The following TBXAS1 variants were observed in gnomAD, a reference collection of about 807,000 sequenced individuals.
TBXAS1 encodes the protein thromboxane-A synthase.
TBXAS1 carries 48 observed loss-of-function variants against 60.7 expected under a neutral mutation model. That is an observed-to-expected ratio of 0.79 (90% CI 0.63 to 1.01). TBXAS1 has a LOEUF of 1.01. Ranked by LOEUF, TBXAS1 falls within the 50% of genes least tolerant of loss-of-function variation. The probability of loss-of-function intolerance (pLI) is 0.00; values close to 1 mark genes in which losing one functional copy is unlikely to be tolerated. For synonymous variants in TBXAS1, 287 were observed against 269.7 expected, an observed-to-expected ratio of 1.06 and a Z score of -0.63; for missense variants, 685 against 686.3, an observed-to-expected ratio of 1.00 and a Z score of 0.02.
At chr7:139,911,810 G>A (rs1805548503) in intron 4 of TBXAS1, among the ~76,000 whole-genome samples, 1 of 152,116 alleles carries the variant, frequency 6.6e-6, no homozygotes, top group Admixed American at 6.5e-5. Flanking sequence ...ACTTTAAGAG[G>A]GCTCCTTTAC....
intron 1 of TBXAS1, among the ~76,000 whole-genome samples, chr7:139,859,593 A>T (rs191011812): frequency 6.6e-6 from 1 of 152,222 alleles, no homozygotes; most frequent in Non-Finnish European, 1.5e-5. Flanking sequence ...ATTCATTTCA[A>T]TTTATCTAAA....
chr7:139,861,527 T>G (rs1448147593), intron 1 of TBXAS1, among the ~76,000 whole-genome samples: 1 of 151,816 alleles, frequency 6.6e-6, no homozygotes, highest in Non-Finnish European at 1.5e-5. Context: ...AGTGCTAGGA[T>G]TACAGGAGCG....
chr7:139,851,315 T>C (rs1427323369), intron 1 of TBXAS1, among the ~76,000 whole-genome samples: 1 of 152,194 alleles, frequency 6.6e-6, no homozygotes, highest in Non-Finnish European at 1.5e-5. Context: ...AAGTCTCAGT[T>C]TCCCCATCTG....
At chr7:139,805,670 CT>C (rs1270027967) in intron 4 of TBXAS1, among the ~76,000 whole-genome samples, 2 of 39,428 alleles carry the variant, frequency 5.1e-5, no homozygotes, top group Admixed American at 3.2e-4. Flanking sequence ...CTCTTTCTTT[CT>C]TTCTTTCTTT....
intron 3 of TBXAS1, among the ~76,000 whole-genome samples, chr7:139,886,780 C>T (rs558724590): frequency 1.9e-4 from 29 of 152,290 alleles, no homozygotes; most frequent in Non-Finnish European, 3.8e-4. Flanking sequence ...CTTCATCTCA[C>T]TGCCAGACCA....
At chr7:140,007,481 GTTCA>G (rs977742256) in intron 10 of TBXAS1, among the ~76,000 whole-genome samples, 1 of 152,124 alleles carries the variant, frequency 6.6e-6, no homozygotes, top group African/African-American at 2.4e-5. Flanking sequence ...CTGCCTGTTC[GTTCA>G]TTCATTCATT....
chr7:139,807,861 C>T (rs1379546288), intron 4 of TBXAS1, among the ~76,000 whole-genome samples: 1 of 152,132 alleles, frequency 6.6e-6, no homozygotes, highest in Non-Finnish European at 1.5e-5. Flanking sequence ...GGTAAATGGC[C>T]TTCTGGGGAG....
chr7:140,003,326 C>A (rs1813824547), intron 9 of TBXAS1, among the ~76,000 whole-genome samples: 1 of 152,014 alleles, frequency 6.6e-6, no homozygotes, highest in African/African-American at 2.4e-5. Flanking sequence ...GCCTCAGCCT[C>A]CAGGGTGGCT....
chr7:139,794,057 G>A (rs904830920), intron 4 of TBXAS1, among the ~76,000 whole-genome samples: 1 of 151,762 alleles, frequency 6.6e-6, no homozygotes, highest in African/African-American at 2.4e-5. Context: ...GCACGTGCAT[G>A]TATATGTGTT....
At chr7:139,911,721 AAAGTATAAGAGTATT>A (rs1455075825) in intron 4 of TBXAS1, among the ~76,000 whole-genome samples, 2 of 152,230 alleles carry the variant, frequency 1.3e-5, no homozygotes, top group Non-Finnish European at 2.9e-5. Flanking sequence ...TCTTTCCCAG[AAAGTATAAGAGTATT>A]AAGGCTGGAA....
At chr7:139,983,424 G>A (rs937772917) in intron 9 of TBXAS1, among the ~76,000 whole-genome samples, 17 of 152,288 alleles carry the variant, frequency 1.1e-4, no homozygotes, top group African/African-American at 3.6e-4. Context: ...TTCTAGAGTC[G>A]AGAAAACAGA....
rs7794349 is a variant in TBXAS1, at chr7:139,977,383, A to G, written c.1134+15150A>G. ...AAAACCATCAGATCTCGTGAGACTT[A>G]CTCACTATCACGAGAACAGCACGGG... On this transcript the variant is annotated intron_variant, in intron 9 of 12. Coordinates refer to ENST00000448866, the MANE Select transcript of TBXAS1 (RefSeq NM_001061.7). 5.1e-3 allele frequency among the ~76,000 whole-genome samples: 770 copies of G among 152,196 alleles called. 11 individuals are homozygous for G. Among genetic ancestry groups the G allele is most frequent in the African/African-American group, 0.018 (739 of 41,518 alleles).
intron 2 of TBXAS1, among the ~76,000 whole-genome samples, 153 bp from the exon 3 acceptor site, chr7:139,875,432 A>G (rs563971405): frequency 6.6e-6 from 1 of 152,166 alleles, no homozygotes; most frequent in African/African-American, 2.4e-5. Context: ...GTTTATTCCA[A>G]TGTTTCAAAG....
chr7:140,020,077 A>AT lies in TBXAS1; in HGVS notation c.1581dup (p.Ile528TyrfsTer49), dbSNP rs772401079. ...GCCCTAGGTCCAAAAAATGGTGTCT[A>AT]TATCAAGATCGTATCCCGCTGACAC... On this transcript the variant is annotated frameshift_variant, in exon 13 of 13. Coordinates refer to ENST00000448866, the MANE Select transcript of TBXAS1 (RefSeq NM_001061.7). LOFTEE classifies it high-confidence loss of function. The AT allele has an allele frequency of 9.9e-6, 16 of 1,613,324 alleles. No individual in the cohort carries two copies. The African/African-American group carries it at 2.1e-4, about 22-fold the overall frequency.
At chr7:139,953,274 C>T in intron 5 of TBXAS1, 94 bp from the exon 6 acceptor site, 1 of 1,012,698 alleles carries the variant, frequency 9.9e-7, no homozygotes, top group South Asian at 1.3e-5. Flanking sequence ...GTTCATTTTC[C>T]CAGAAAGCAC....
rs1047206250 is a variant in TBXAS1, at chr7:139,953,563, G to A, written c.539+107G>A. On this transcript the variant is annotated intron_variant, in intron 6 of 12. Transcript: ENST00000448866. The stretch of plus-strand genomic sequence containing the variant: ...CTTGGGACTAGCAAACTGTGGAAAC[G>A]CTAGAAGCTCATAAAAGCATGGATG... The A allele has an allele frequency of 2.0e-5, 21 of 1,065,992 alleles. 1 individual carries two copies. In the Admixed American group the frequency reaches 2.2e-4, roughly 11 times the overall value. 66.0% of individuals were successfully genotyped at this position (1,065,992 alleles called of 1,614,324 possible).
At chr7:139,892,987 T>A (rs890501050) in intron 3 of TBXAS1, among the ~76,000 whole-genome samples, 6 of 152,162 alleles carry the variant, frequency 3.9e-5, no homozygotes, top group Non-Finnish European at 7.3e-5. Flanking sequence ...GCTAGAATGA[T>A]CATCTTGAAG....
upstream of TBXAS1, chr7:139,829,091 G>A: frequency 2.1e-6 from 1 of 473,692 alleles, no homozygotes; most frequent in Non-Finnish European, 4.0e-6. Context: ...AGCAAACATG[G>A]GGAAGTTTGC....
At position 139,938,950 on chromosome 7, in the gene TBXAS1, G is replaced by A. The variant is rs117574887; in HGVS notation, c.450+2643G>A. ...ATACTCCAGAAAGTGACACATTGTCGTTTCCCAAGCAAATCCAGTGCTCCT... is the reference window on the plus strand; with the variant it reads ...ATACTCCAGAAAGTGACACATTGTCATTTCCCAAGCAAATCCAGTGCTCCT... On this transcript the variant is annotated intron_variant, in intron 5 of 12. Transcript: ENST00000448866. 4.7e-3 allele frequency among the ~76,000 whole-genome samples: 714 copies of A among 152,332 alleles called. 3 individuals are homozygous for A. Among genetic ancestry groups the A allele is most frequent in the Middle Eastern group, 0.027 (8 of 294 alleles).
Sources: gnomAD v4.1 joint callset for allele counts (sites outside exome capture counted in the v4.1 genomes callset) on GRCh38, gnomAD v4.1.1 for gene constraint, MANE v1.5 for transcripts, NCBI Gene and HGNC (gene_info 2026-07-23, HGNC 2026-07-21) for gene names.